The following RBFOX1 variants were observed in gnomAD, a reference collection of about 807,000 sequenced individuals.
RBFOX1 encodes the protein RNA binding protein fox-1 homolog 1.
Under a neutral mutation model 57.7 loss-of-function variants are expected in RBFOX1, and 8 were observed. That is an observed-to-expected ratio of 0.14 (90% CI 0.08 to 0.25). RBFOX1 has a LOEUF of 0.25. Among genes scored for constraint, RBFOX1 ranks in the 10% least tolerant of loss-of-function variants. The pLI, the probability that RBFOX1 is intolerant of heterozygous loss-of-function variation, is 1.00. For synonymous variants in RBFOX1, 326 were observed against 222.4 expected, an observed-to-expected ratio of 1.47 and a Z score of -4.15; for missense variants, 611 against 548.5, an observed-to-expected ratio of 1.11 and a Z score of -1.14.
At chr16:5,856,165 C>CTCTG (rs2057026694) in intron 3 of RBFOX1, among the ~76,000 whole-genome samples, 1 of 57,840 alleles carries the variant, frequency 1.7e-5, no homozygotes, top group African/African-American at 6.4e-5. Context: ...CTCTCTCTCT[C>CTCTG]TCTCTCTCTC....
chr16:6,873,322 G>C (rs1233974819), intron 3 of RBFOX1, among the ~76,000 whole-genome samples: 1 of 152,054 alleles, frequency 6.6e-6, no homozygotes, highest in African/African-American at 2.4e-5. Flanking sequence ...TTATGTTGGA[G>C]GGGGAAAAAG....
intron 3 of RBFOX1, among the ~76,000 whole-genome samples, chr16:5,854,912 C>A (rs2056986441): frequency 6.6e-6 from 1 of 152,096 alleles, no homozygotes; most frequent in Non-Finnish European, 1.5e-5. Context: ...TTTTGGTAAC[C>A]CAGCCTAACA....
intron 3 of RBFOX1, among the ~76,000 whole-genome samples, chr16:5,745,249 A>G (rs915181080): frequency 6.6e-5 from 10 of 152,166 alleles, no homozygotes; most frequent in African/African-American, 1.9e-4. Flanking sequence ...AGCTTCATCC[A>G]TGTCTCTACA....
chr16:6,880,218 C>T lies in RBFOX1; in HGVS notation c.-15-171839C>T, dbSNP rs541641058. ...TAAGGTATAAAAGAGCAAAATTTTC[C>T]ACCGGGGGGTAGCAACATGACAAGA... is the stretch of plus-strand genomic sequence containing the variant. On this transcript the variant is annotated intron_variant, in intron 3 of 15. Coordinates refer to ENST00000550418, the MANE Select transcript of RBFOX1 (RefSeq NM_018723.4). 2.6e-3 allele frequency among the ~76,000 whole-genome samples: 354 copies of T among 134,128 alleles called. 7 individuals carry two copies. In the Middle Eastern group the frequency reaches 0.031, roughly 12 times the overall value. The allele number at this position is 134,128 out of a possible 152,430, so 88.0% of individuals were successfully genotyped here.
chr16:7,050,242 T>C (rs1244896694), intron 3 of RBFOX1, among the ~76,000 whole-genome samples: 1 of 134,134 alleles, frequency 7.5e-6, no homozygotes, highest in Non-Finnish European at 1.6e-5. Context: ...CTTTAGCTTC[T>C]TTTTTTTTCC....
intron 3 of RBFOX1, among the ~76,000 whole-genome samples, chr16:6,898,385 T>C (rs767736982): frequency 1.3e-5 from 2 of 152,116 alleles, no homozygotes; most frequent in Non-Finnish European, 2.9e-5. Context: ...TGGAGGGTAT[T>C]GAGTGCACCC....
At chr16:5,569,464 T>TTTTTTTTTTTTTTTTTTTTTTTTTTG (rs2046198902) in intron 2 of RBFOX1, among the ~76,000 whole-genome samples, 2 of 108,690 alleles carry the variant, frequency 1.8e-5, no homozygotes, top group Non-Finnish European at 3.8e-5. Flanking sequence ...TTTTTTTTTT[T>TTTTTTTTTTTTTTTTTTTTTTTTTTG]TTTCTTCTTC....
intron 3 of RBFOX1, among the ~76,000 whole-genome samples, chr16:6,936,704 A>G (rs1048422732): frequency 6.6e-6 from 1 of 152,156 alleles, no homozygotes; most frequent in African/African-American, 2.4e-5. Context: ...GCATTAGATT[A>G]ATATTAAAAC....
At chr16:5,495,737 C>T (rs1204085288) in intron 2 of RBFOX1, among the ~76,000 whole-genome samples, 1 of 152,204 alleles carries the variant, frequency 6.6e-6, no homozygotes, top group Non-Finnish European at 1.5e-5. Flanking sequence ...CATAAATACC[C>T]ATATCTGGTA....
intron 1 of RBFOX1, among the ~76,000 whole-genome samples, chr16:6,170,793 T>C (rs78691040): frequency 0.1 from 15,550 of 152,170 alleles, 2,022 homozygotes; most frequent in African/African-American, 0.3. Flanking sequence ...TCCTTATCTG[T>C]GTCCCTGTGT....
intron 3 of RBFOX1, among the ~76,000 whole-genome samples, chr16:5,787,148 A>T (rs746535206): frequency 6.6e-6 from 1 of 152,114 alleles, no homozygotes; most frequent in Non-Finnish European, 1.5e-5. Flanking sequence ...AAAAATAATA[A>T]CACAGGAGGA....
At chr16:6,500,742 T>A (rs947290939) in intron 2 of RBFOX1, among the ~76,000 whole-genome samples, 13 of 152,120 alleles carry the variant, frequency 8.5e-5, no homozygotes, top group African/African-American at 3.1e-4. Context: ...CTTGACTGCA[T>A]GTCAAGATGT....
chr16:7,132,318 A>G (rs2070706078), intron 4 of RBFOX1, among the ~76,000 whole-genome samples: 1 of 151,820 alleles, frequency 6.6e-6, no homozygotes, highest in Non-Finnish European at 1.5e-5. Context: ...CTTTATCTGT[A>G]TATATTTTTA....
intron 1 of RBFOX1, among the ~76,000 whole-genome samples, chr16:6,103,403 C>T (rs1311277732): frequency 6.6e-6 from 1 of 152,044 alleles, no homozygotes; most frequent in Non-Finnish European, 1.5e-5. Context: ...TCTGATGTAT[C>T]ACGGTCACAC....
In RBFOX1 at chr16:6,946,709, C is replaced by G. The variant is rs897496554; in HGVS notation, c.-15-105348C>G. Among the ~76,000 whole-genome samples, 25 of 152,020 alleles carry G rather than the reference C, an allele frequency of 1.6e-4. 1 individual carries two copies. Among genetic ancestry groups the G allele is most frequent in the Admixed American group, 1.4e-3 (21 of 15,246 alleles). Reference sequence around the variant, plus strand: ...TCTCAAACTCCTGGGCTCAAGTGATCCTCTTGCCTGAGTCTCCCAAATAGC... The same window carrying G: ...TCTCAAACTCCTGGGCTCAAGTGATGCTCTTGCCTGAGTCTCCCAAATAGC... On this transcript the variant is annotated intron_variant, in intron 3 of 15. Transcript: ENST00000550418.
chr16:6,703,165 A>G (rs1264903256), intron 3 of RBFOX1, among the ~76,000 whole-genome samples: 5 of 152,162 alleles, frequency 3.3e-5, no homozygotes, highest in Non-Finnish European at 7.3e-5. Context: ...TGTTTTGTTC[A>G]TTTCTCTGTT....
chr16:6,691,554 G>T (rs1047869405), intron 3 of RBFOX1, among the ~76,000 whole-genome samples: 1 of 151,994 alleles, frequency 6.6e-6, no homozygotes, highest in Non-Finnish European at 1.5e-5. Context: ...CACATTACAC[G>T]CGTTATATGT....
At chr16:5,959,281 G>C (rs2059704475) in intron 4 of RBFOX1, among the ~76,000 whole-genome samples, 1 of 152,166 alleles carries the variant, frequency 6.6e-6, no homozygotes, top group African/African-American at 2.4e-5. Context: ...AATAGAACAT[G>C]GATGCTCCCA....
At chr16:7,448,881 A>G (rs2098828823) in intron 4 of RBFOX1, among the ~76,000 whole-genome samples, 1 of 150,398 alleles carries the variant, frequency 6.6e-6, no homozygotes, top group African/African-American at 2.4e-5. Flanking sequence ...TCTGCAACAA[A>G]TAAGGTCATA....
Sources: gnomAD v4.1 joint callset for allele counts (sites outside exome capture counted in the v4.1 genomes callset) on GRCh38, gnomAD v4.1.1 for gene constraint, MANE v1.5 for transcripts, NCBI Gene and HGNC (gene_info 2026-07-23, HGNC 2026-07-21) for gene names.